Variants in CCDC169 observed in about 807,000 individuals in gnomAD.
The protein encoded by CCDC169 is coiled-coil domain containing 169, also known as coiled-coil domain-containing protein 169.
CCDC169 carries 30 observed loss-of-function variants against 36.0 expected under a neutral mutation model. The observed-to-expected ratio is 0.83, with a 90% CI of 0.62 to 1.13. The LOEUF (loss-of-function observed/expected upper bound fraction) is 1.13, where lower values mean the gene tolerates loss of function less well. Among genes scored for constraint, CCDC169 ranks in the 50% most tolerant of loss-of-function variants. The pLI is 0.00. For synonymous variants in CCDC169, 85 were observed against 81.5 expected, an observed-to-expected ratio of 1.04 and a Z score of -0.23; for missense variants, 245 against 245.9, an observed-to-expected ratio of 1.00 and a Z score of 0.03.
chr13:36,237,495 T>C (rs573203210), intron 7 of CCDC169, among the ~76,000 whole-genome samples: 6 of 152,292 alleles, frequency 3.9e-5, no homozygotes, highest in African/African-American at 1.4e-4. Context: ...GGGATGTTCA[T>C]AGTAGCATTA....
chr13:36,283,851 T>C, intron 2 of CCDC169, 149 bp from the exon 3 acceptor site: 1 of 665,948 alleles, frequency 1.5e-6, no homozygotes, highest in Admixed American at 3.0e-5. Flanking sequence ...TTATTAAGTC[T>C]GTATTTCTGT....
chr13:36,273,416 A>G (rs1427519517), intron 4 of CCDC169, among the ~76,000 whole-genome samples: 1 of 152,194 alleles, frequency 6.6e-6, no homozygotes, highest in African/African-American at 2.4e-5. Context: ...AGATAGGAGC[A>G]TGTAAGAGTG....
At chr13:36,281,927 T>C (rs374492886) in intron 4 of CCDC169, among the ~76,000 whole-genome samples, 1 of 152,088 alleles carries the variant, frequency 6.6e-6, no homozygotes, top group African/African-American at 2.4e-5. Context: ...AAAAGAGAGA[T>C]AAAATTATAT....
chr13:36,259,197 G>A (rs995832577), intron 4 of CCDC169, among the ~76,000 whole-genome samples: 3 of 152,164 alleles, frequency 2.0e-5, no homozygotes, highest in African/African-American at 7.2e-5. Flanking sequence ...GGCGGAATTA[G>A]AAGGCAGCGT....
intron 7 of CCDC169, among the ~76,000 whole-genome samples, chr13:36,242,561 A>G (rs965477293): frequency 1.2e-4 from 19 of 152,122 alleles, no homozygotes; most frequent in Admixed American, 9.8e-4. Context: ...TTTCTATTAG[A>G]TGAGTGATTT....
At chr13:36,225,193 A>C (rs971584293), downstream of CCDC169, 44 of 1,292 alleles carry the variant, frequency 0.034, no homozygotes, top group African/African-American at 0.04. Flanking sequence ...GAATCCTAGA[A>C]GAAACCTAGG....
intron 4 of CCDC169, chr13:36,274,207 A>C (rs1876471520): frequency 6.6e-6 from 1 of 152,236 alleles, no homozygotes; most frequent in African/African-American, 2.4e-5. Flanking sequence ...CGACAAAAAC[A>C]CATTATAGAT....
rs528392233 is a variant in CCDC169, at chr13:36,243,092, C to A, written c.545+5514G>T. 5.9e-5 allele frequency among the ~76,000 whole-genome samples: 9 copies of A among 152,324 alleles called. No individual in the cohort carries two copies. The South Asian group carries it at 1.7e-3, about 28-fold the overall frequency. ...AGGAAGAAAAGGCCCATACTTGAGT[C>A]ATGGATAAATCAGCTTGGTACATGG... On this transcript the variant is annotated intron_variant, in intron 7 of 7. Transcript: ENST00000239859.
At chr13:36,275,317 G>A (rs1324510289) in intron 4 of CCDC169, among the ~76,000 whole-genome samples, 1 of 151,986 alleles carries the variant, frequency 6.6e-6, no homozygotes, top group African/African-American at 2.4e-5. Context: ...TTCAATATAG[G>A]CAACTGCAAC....
intron 6 of CCDC169, among the ~76,000 whole-genome samples, chr13:36,252,484 C>T (rs1291331688): frequency 6.6e-6 from 1 of 152,188 alleles, no homozygotes; most frequent in African/African-American, 2.4e-5. Context: ...TATTCTGGAT[C>T]AGTGACTAGC....
At chr13:36,277,597 CAT>C (rs1474144502) in intron 4 of CCDC169, among the ~76,000 whole-genome samples, 1 of 152,102 alleles carries the variant, frequency 6.6e-6, no homozygotes, top group African/African-American at 2.4e-5. Context: ...GGTGAATGCA[CAT>C]GTTAGAGACT....
At chr13:36,228,108 T>C (rs1318308538), downstream of CCDC169, among the ~76,000 whole-genome samples, 1 of 152,198 alleles carries the variant, frequency 6.6e-6, no homozygotes, top group Non-Finnish European at 1.5e-5. Flanking sequence ...CTTGACTATT[T>C]GAATAATGGT....
At chr13:36,229,511 T>C (rs565230704), downstream of CCDC169, among the ~76,000 whole-genome samples, 2 of 150,836 alleles carry the variant, frequency 1.3e-5, no homozygotes, top group East Asian at 2.0e-4. Context: ...TGTTTATTTT[T>C]CATTGATAAT....
intron 7 of CCDC169, among the ~76,000 whole-genome samples, chr13:36,247,772 T>C (rs1002313986): frequency 2.6e-5 from 4 of 152,198 alleles, no homozygotes; most frequent in Non-Finnish European, 5.9e-5. Flanking sequence ...ATTTTTGAAA[T>C]GACAGCAAAG....
chr13:36,239,498 A>C (rs1461116645), intron 7 of CCDC169, among the ~76,000 whole-genome samples: 1 of 152,166 alleles, frequency 6.6e-6, no homozygotes, highest in African/African-American at 2.4e-5. Context: ...TGCAGTTCCA[A>C]ATTATTGTCA....
At chr13:36,226,381 T>C (rs1431694536), downstream of CCDC169, 2 of 152,196 alleles carry the variant, frequency 1.3e-5, no homozygotes, top group Non-Finnish European at 2.9e-5. Context: ...TAGAGTCTCA[T>C]AAGGAGTATG....
chr13:36,290,331 T>C (rs1489886054), intron 2 of CCDC169, among the ~76,000 whole-genome samples: 1 of 152,244 alleles, frequency 6.6e-6, no homozygotes, highest in Non-Finnish European at 1.5e-5. Flanking sequence ...CTAAATAATT[T>C]AAATGTTTAA....
chr13:36,229,736 T>A (rs2138371259), downstream of CCDC169, among the ~76,000 whole-genome samples: 1 of 152,068 alleles, frequency 6.6e-6, no homozygotes, highest in East Asian at 1.9e-4. Flanking sequence ...TAGAGACAAG[T>A]TTTGCCATGT....
At position 36,248,537 on chromosome 13, in the gene CCDC169, A is replaced by G. The variant is rs1872761654; in HGVS notation, c.545+69T>C. 2.1e-6 allele frequency: 3 copies of G among 1,422,822 alleles called. No individual in the cohort carries two copies. In the South Asian group the frequency reaches 3.8e-5, roughly 18 times the overall value. 88.1% of individuals were successfully genotyped at this position (1,422,822 alleles called of 1,614,324 possible). ...GTTCAGCTTCCAAAATATAGTGGAC[A>G]CCTGTTTTGTCAGTGGCATTTATGT... On this transcript the variant is annotated intron_variant, in intron 7 of 7. Coordinates refer to ENST00000239859, the MANE Select transcript of CCDC169 (RefSeq NM_001144981.3).
Sources: allele counts gnomAD v4.1 joint callset (sites outside exome capture counted in the v4.1 genomes callset), GRCh38; gene constraint gnomAD v4.1.1; transcripts MANE v1.5; gene names NCBI Gene and HGNC (gene_info 2026-07-23, HGNC 2026-07-21).